The following MROH2A variants were observed in gnomAD, a reference collection of about 807,000 sequenced individuals.
MROH2A encodes the protein maestro heat-like repeat-containing protein family member 2A.
A neutral mutation model predicts 200.4 loss-of-function variants in MROH2A; 174 were observed. That is an observed-to-expected ratio of 0.87 (90% CI 0.77 to 0.98). The LOEUF is 0.98. MROH2A is among the 50% of genes least tolerant of loss of function. The pLI, the probability that MROH2A is intolerant of heterozygous loss-of-function variation, is 0.00. For missense variants in MROH2A, 2,045 were observed against 2,139.6 expected (o/e 0.96, Z 0.87); for synonymous variants, 829 against 840.4 (o/e 0.99, Z 0.23).
chr2:233,819,716 C>T (rs1195958566), intron 30 of MROH2A, among the ~76,000 whole-genome samples, 186 bp from the exon 31 acceptor site: 1 of 152,204 alleles, frequency 6.6e-6, no homozygotes, highest in East Asian at 1.9e-4. Flanking sequence ...CCACCTCCTG[C>T]ACTGAAAGCC....
chr2:233,801,369 AC>A (rs1702463359), intron 14 of MROH2A, among the ~76,000 whole-genome samples: 4 of 152,154 alleles, frequency 2.6e-5, no homozygotes, highest in Admixed American at 2.6e-4. Flanking sequence ...TTGAACGGTC[AC>A]CCAGGGAGAG....
intron 11 of MROH2A, among the ~76,000 whole-genome samples, chr2:233,797,521 A>G (rs741159): frequency 0.82 from 124,226 of 152,130 alleles, 50,997 homozygotes; most frequent in Non-Finnish European, 0.86. Context: ...CTTTCTATTG[A>G]GTGTATTAAG....
At chr2:233,823,111 T>A in intron 34 of MROH2A, 93 bp downstream of exon 34, 1 of 1,360,378 alleles carries the variant, frequency 7.4e-7, no homozygotes, top group South Asian at 1.3e-5. Context: ...GGTCCAGTCA[T>A]GGCTGAAGGC....
intron 39 of MROH2A, 127 bp downstream of exon 39, chr2:233,831,667 G>GA: frequency 9.7e-7 from 1 of 1,035,718 alleles, no homozygotes. Context: ...GCCATGTCGA[G>GA]ACCGGCACTG....
rs139435625 is a variant in MROH2A, at chr2:233,815,417, G to A, written c.2856+740G>A. Among the ~76,000 whole-genome samples, 1,134 of 152,216 alleles carry A rather than the reference G, an allele frequency of 7.4e-3. 8 individuals are homozygous for A. The highest frequency in any genetic ancestry group is 0.04 in the South Asian group (194 of 4,822). Reference sequence around the variant, plus strand: ...AGAAGTTTTTGGTTTTGACGAAGTCGAATTTATCTTTTTTTCTTTTATGGA... The same window carrying A: ...AGAAGTTTTTGGTTTTGACGAAGTCAAATTTATCTTTTTTTCTTTTATGGA... On this transcript the variant is annotated intron_variant, in intron 26 of 41. Coordinates refer to ENST00000389758, the MANE Select transcript of MROH2A (RefSeq NM_001394639.1).
rs576578930 is a variant in MROH2A at position 233,822,718 on chromosome 2, T to TG, written c.3867-161dup. 81 of 1,138,048 alleles carry TG rather than the reference T, an allele frequency of 7.1e-5. No individual in the cohort carries two copies. The East Asian group carries it at 1.8e-3, about 25-fold the overall frequency. The allele number at this position is 1,138,048 out of a possible 1,614,324, so 70.5% of individuals were successfully genotyped here. A position where few individuals can be genotyped will look rare whatever the true frequency, so the allele number is the denominator to read the frequency against. Reference sequence around the variant, plus strand: ...GTTCTCATGTGTGTCAAGCACGGTGTGGTTTTCAGAGCTTGCAGATCCACT... The same window carrying TG: ...GTTCTCATGTGTGTCAAGCACGGTGTGGGTTTTCAGAGCTTGCAGATCCACT... On this transcript the variant is annotated intron_variant, in intron 33 of 41. Coordinates refer to ENST00000389758, the MANE Select transcript of MROH2A (RefSeq NM_001394639.1).
At chr2:233,788,082 T>A (rs1435143859) in intron 3 of MROH2A, among the ~76,000 whole-genome samples, 1 of 94,330 alleles carries the variant, frequency 1.1e-5, no homozygotes, top group African/African-American at 4.3e-5. Flanking sequence ...TACATATATA[T>A]TATATATACA....
chr2:233,825,829 C>A (rs1033029480), intron 35 of MROH2A, among the ~76,000 whole-genome samples: 5 of 151,088 alleles, frequency 3.3e-5, no homozygotes, highest in Non-Finnish European at 7.4e-5. Flanking sequence ...ATGCTGACCT[C>A]ATAGAATGAG....
intron 3 of MROH2A, among the ~76,000 whole-genome samples, chr2:233,789,062 A>G (rs1394497405): frequency 1.3e-5 from 2 of 151,808 alleles, no homozygotes; most frequent in Admixed American, 1.3e-4. Context: ...ATCCCATCCT[A>G]AACCAGGTCA....
In MROH2A at chr2:233,809,252, A is replaced by G; in HGVS notation, c.2422A>G (p.Ile808Val). ...LVDSPITAKI[I>V]HHYVSSCQDI... ...GGACAGCCCCATCACCGCTAAGATC[A>G]TTCACCATTATGTCAGCAGCTGCCA... The change falls in exon 22 of 42, where the codon ATT becomes GTT. Residue 808 changes from isoleucine to valine, a missense_variant. Physicochemically the swap from Ile to Val is conservative, Grantham distance 29. Coordinates refer to ENST00000389758, the MANE Select transcript of MROH2A (RefSeq NM_001394639.1). 1 of 1,550,476 alleles carries G rather than the reference A, an allele frequency of 6.4e-7. No individual in the cohort carries two copies. The highest frequency in any genetic ancestry group is 1.2e-5 in the South Asian group (1 of 84,054).
chr2:233,776,055 A>G (rs1444725834), upstream of MROH2A, among the ~76,000 whole-genome samples: 2 of 152,204 alleles, frequency 1.3e-5, no homozygotes, highest in African/African-American at 4.8e-5. Context: ...CTGTGAGTCC[A>G]TGAAACCTCT....
chr2:233,792,064 G>A (rs1471373563), intron 5 of MROH2A, among the ~76,000 whole-genome samples: 1 of 152,048 alleles, frequency 6.6e-6, no homozygotes, highest in East Asian at 1.9e-4. Flanking sequence ...GCTCTCACCT[G>A]CTGTCTCCCT....
At position 233,822,394 on chromosome 2, in the gene MROH2A, A is replaced by G. The variant is rs1340873609; in HGVS notation, c.3704A>G (p.Lys1235Arg). ...TLCTIHLLIQ[K>R]LDENDKLPDF... ...TGCACCATCCACCTTCTCATTCAGA[A>G]GCTGGATGAGAATGACAAGCTCCCG... Residue 1235 changes from lysine to arginine, a missense_variant, in exon 33 of 42, where the codon AAG becomes AGG. By Grantham distance (26) the Lys-to-Arg change is conservative (BLOSUM62 2). Around this residue, in one of 3 missense-constraint regions of MROH2A, gnomAD observed 1,201 missense variants for 1,311.3 expected, o/e 0.92. Transcript: ENST00000389758. 6.4e-7 allele frequency: 1 copy of G among 1,551,098 alleles called. No homozygotes were observed. The highest frequency in any genetic ancestry group is 2.4e-5 in the East Asian group (1 of 40,912).
upstream of MROH2A, among the ~76,000 whole-genome samples, chr2:233,776,644 T>A (rs1490289232): frequency 6.6e-6 from 1 of 152,162 alleles, no homozygotes; most frequent in Non-Finnish European, 1.5e-5. Context: ...ATGTCCTCTG[T>A]AGATAACATG....
chr2:233,831,377 G>T, intron 38 of MROH2A, 32 bp from the exon 39 acceptor site: 1 of 1,527,410 alleles, frequency 6.5e-7, no homozygotes, highest in Non-Finnish European at 8.8e-7. Flanking sequence ...TGGCCTGGCT[G>T]ATGGCTCTGC....
chr2:233,804,450 C>T (rs1169698662), intron 17 of MROH2A, 45 bp from the exon 18 acceptor site: 1 of 1,543,514 alleles, frequency 6.5e-7, no homozygotes, highest in Non-Finnish European at 8.8e-7. Context: ...CTTAGGGGAG[C>T]AGTGGAAGAA....
chr2:233,828,839 G>A lies in MROH2A; in HGVS notation c.4264-51G>A. 2.6e-6 allele frequency: 4 copies of A among 1,549,270 alleles called. No homozygotes were observed. The highest frequency in any genetic ancestry group is 3.5e-6 in the Non-Finnish European group (4 of 1,146,180). On this transcript the variant is annotated intron_variant, in intron 36 of 41. Coordinates refer to ENST00000389758, the MANE Select transcript of MROH2A (RefSeq NM_001394639.1). This position sits in a 1 kb window ranked among gnomAD's most constrained non-coding sequence, Gnocchi z 4.6. ...GCTGAGGGTGCAGGCCGGGTGCCCTGGTCAGCCTGGGAGGGAGGGTGCAGG... is the reference window on the plus strand; with the variant it reads ...GCTGAGGGTGCAGGCCGGGTGCCCTAGTCAGCCTGGGAGGGAGGGTGCAGG...
chr2:233,800,160 C>T, intron 13 of MROH2A, 45 bp from the exon 14 acceptor site: 1 of 1,404,900 alleles, frequency 7.1e-7, no homozygotes, highest in Non-Finnish European at 9.7e-7. Flanking sequence ...CCACGACAAA[C>T]CTCTGCTAGG....
rs1385555921 is a variant in MROH2A, at chr2:233,787,530, TATATC to T, written c.277-1962_277-1958del. ...ATATTATATATACATATATATTACA[TATATC>T]ATATATACATATATATTATATATAC... On this transcript the variant is annotated intron_variant, in intron 3 of 41. Coordinates refer to ENST00000389758, the MANE Select transcript of MROH2A (RefSeq NM_001394639.1). Among the ~76,000 whole-genome samples, 2 of 116,428 alleles carry T rather than the reference TATATC, an allele frequency of 1.7e-5. 1 individual carries two copies. Among genetic ancestry groups the T allele is most frequent in the Non-Finnish European group, 3.2e-5 (2 of 61,676 alleles). The allele number at this position is 116,428 out of a possible 152,430, so 76.4% of individuals were successfully genotyped here. A position where few individuals can be genotyped will look rare whatever the true frequency, so the allele number is the denominator to read the frequency against.
Sources: allele counts gnomAD v4.1 joint callset (sites outside exome capture counted in the v4.1 genomes callset), GRCh38; gene constraint gnomAD v4.1.1; regional missense constraint gnomAD v4.1.1; non-coding constraint Gnocchi (gnomAD v3.1); transcripts MANE v1.5; gene names NCBI Gene and HGNC (gene_info 2026-07-23, HGNC 2026-07-21).